Variants in MMS19 observed in about 807,000 individuals in gnomAD.
The protein encoded by MMS19 is MMS19 cytosolic iron-sulfur assembly component.
A neutral mutation model predicts 129.8 loss-of-function variants in MMS19; 77 were observed. The observed-to-expected ratio is 0.59, with a 90% CI of 0.49 to 0.72. The LOEUF (loss-of-function observed/expected upper bound fraction) is 0.72. Among genes scored for constraint, MMS19 ranks in the 30% least tolerant of loss-of-function variants. MMS19 has a pLI of 0.00. For synonymous variants in MMS19, 491 were observed against 502.8 expected, an observed-to-expected ratio of 0.98 and a Z score of 0.31; for missense variants, 1,168 against 1,266.3, an observed-to-expected ratio of 0.92 and a Z score of 1.18.
intron 3 of MMS19, among the ~76,000 whole-genome samples, chr10:97,479,015 G>C (rs527572292): frequency 9.2e-5 from 14 of 152,216 alleles, no homozygotes; most frequent in African/African-American, 2.9e-4. Flanking sequence ...GAGGTTTAAG[G>C]CCACCCTGAG....
intron 19 of MMS19, among the ~76,000 whole-genome samples, chr10:97,463,485 CAAGTGAGGAAATTG>C (rs960453768): frequency 1.2e-4 from 18 of 152,226 alleles, no homozygotes; most frequent in African/African-American, 4.3e-4. Context: ...CTCCATCTTA[CAAGTGAGGAAATTG>C]AAGCGTGGAA....
At chr10:97,468,204 C>T in intron 13 of MMS19, 48 bp downstream of exon 13, 1 of 1,475,392 alleles carries the variant, frequency 6.8e-7, no homozygotes, top group Non-Finnish European at 9.1e-7. Flanking sequence ...AGAAAGGGAA[C>T]CTAGCACACA....
chr10:97,498,569 G>C, upstream of MMS19: 1 of 682,714 alleles, frequency 1.5e-6, no homozygotes, highest in Non-Finnish European at 2.3e-6. Context: ...CGGTGGCACC[G>C]AGAGGGAAGG....
intron 1 of MMS19, among the ~76,000 whole-genome samples, chr10:97,487,989 T>C (rs2038208475): frequency 6.6e-6 from 1 of 152,050 alleles, no homozygotes; most frequent in Non-Finnish European, 1.5e-5. Flanking sequence ...CTCGGGAGGC[T>C]GAGGGACAAG....
At chr10:97,466,703 G>T in intron 15 of MMS19, 73 bp downstream of exon 15, 1 of 1,605,890 alleles carries the variant, frequency 6.2e-7, no homozygotes, top group Middle Eastern at 1.7e-4. Context: ...AGGATAGTAA[G>T]GCTGCTTTTC....
chr10:97,470,949 G>T, intron 8 of MMS19, 88 bp from the exon 9 acceptor site: 1 of 993,170 alleles, frequency 1.0e-6, no homozygotes, highest in Non-Finnish European at 1.5e-6. Context: ...GCAGAACAGG[G>T]TGATACTCAT....
chr10:97,465,303 T>G (rs2033201863), intron 18 of MMS19, among the ~76,000 whole-genome samples: 1 of 151,814 alleles, frequency 6.6e-6, no homozygotes, highest in Non-Finnish European at 1.5e-5. Flanking sequence ...CCCAACCCTT[T>G]TTTTCTTTTG....
Position 97,469,816 on chromosome 10 carries a change from G to T in MMS19, c.847-93C>A, listed in dbSNP as rs1049360862. The T allele has an allele frequency of 3.2e-5, 33 of 1,039,994 alleles. No individual in the cohort carries two copies. The African/African-American group carries it at 3.8e-4, about 12-fold the overall frequency. 64.4% of individuals were successfully genotyped at this position (1,039,994 alleles called of 1,614,324 possible). A position where few individuals can be genotyped will look rare whatever the true frequency, so the allele number is the denominator to read the frequency against. ...GCATAATGGCACCTGAAGGAGCCCT[G>T]GTCTCAGCAGAAAAACCAGTTAAGA... On this transcript the variant is annotated intron_variant, in intron 10 of 30. Transcript: ENST00000438925.
chr10:97,481,619 A>G (rs2135444125), intron 2 of MMS19, among the ~76,000 whole-genome samples: 1 of 152,278 alleles, frequency 6.6e-6, no homozygotes, highest in African/African-American at 2.4e-5. Flanking sequence ...ACTAGGTAGG[A>G]TTATTGATAT....
chr10:97,475,102 G>A (rs976350825), intron 8 of MMS19, among the ~76,000 whole-genome samples: 5 of 152,060 alleles, frequency 3.3e-5, no homozygotes, highest in African/African-American at 4.8e-5. Context: ...CATTATTTCC[G>A]GCCAAAGGAA....
At chr10:97,484,819 A>G (rs1017596940) in intron 1 of MMS19, among the ~76,000 whole-genome samples, 1 of 152,144 alleles carries the variant, frequency 6.6e-6, no homozygotes, top group Non-Finnish European at 1.5e-5. Context: ...CAGAAGGCTG[A>G]GGCAGGAGAA....
chr10:97,498,531 C>G, upstream of MMS19: 1 of 1,145,854 alleles, frequency 8.7e-7, no homozygotes, highest in Non-Finnish European at 1.2e-6. Flanking sequence ...CTAGGCAGTT[C>G]CAGGGAGGGG....
chr10:97,492,814 G>A lies in MMS19; in HGVS notation c.112+5459C>T, dbSNP rs191866776. 5.5e-3 allele frequency among the ~76,000 whole-genome samples: 801 copies of A among 145,024 alleles called. 4 individuals are homozygous for A. Among genetic ancestry groups the A allele is most frequent in the Middle Eastern group, 0.015 (4 of 270 alleles). ...GCTAAAGTTGCAGTGAGCCAAGATC[G>A]CGCCACTGCACACCAGCCTGGGCAA... On this transcript the variant is annotated intron_variant, in intron 1 of 30. Coordinates refer to ENST00000438925, the MANE Select transcript of MMS19 (RefSeq NM_022362.5).
chr10:97,477,997 C>G, intron 4 of MMS19, 68 bp from the exon 5 acceptor site: 1 of 1,017,266 alleles, frequency 9.8e-7, no homozygotes, highest in East Asian at 2.6e-5. Flanking sequence ...CACAACCCTA[C>G]GACAGGCCTA....
Position 97,462,608 on chromosome 10 carries a change from T to C in MMS19, c.1987A>G (p.Thr663Ala), listed in dbSNP as rs566833883. ...VLAAMVSVIG[T>A]ATTHLSPELA... ...TCAGGGCTCAGGTGGGTTGTAGCAG[T>C]GCCAATGACAGACACCATGGCAGCC... The change falls in exon 20 of 31, where the codon ACT becomes GCT. Residue 663 changes from threonine to alanine, a missense_variant. By Grantham distance (58) the Thr-to-Ala change is moderately conservative. Coordinates refer to ENST00000438925, the MANE Select transcript of MMS19 (RefSeq NM_022362.5). 6.2e-7 allele frequency: 1 copy of C among 1,613,946 alleles called. No homozygotes were observed. The highest frequency in any genetic ancestry group is 1.1e-5 in the South Asian group (1 of 91,080).
At chr10:97,494,495 A>G (rs1221077207) in intron 1 of MMS19, among the ~76,000 whole-genome samples, 9 of 152,174 alleles carry the variant, frequency 5.9e-5, no homozygotes, top group Admixed American at 3.3e-4. Context: ...AGCTCTCAAA[A>G]TGCCCTTTCT....
At chr10:97,498,565 C>A, upstream of MMS19, 1 of 704,164 alleles carries the variant, frequency 1.4e-6, no homozygotes, top group South Asian at 2.1e-5. Context: ...GGGGCGGTGG[C>A]ACCGAGAGGG....
rs764841363 is a variant in MMS19, at chr10:97,498,385, A to T, written c.-1T>A. 1.9e-6 allele frequency: 3 copies of T among 1,580,538 alleles called. No individual in the cohort carries two copies. In the South Asian group the frequency reaches 3.4e-5, roughly 18 times the overall value. Reference sequence around the variant, plus strand: ...CCTCCACAGCCGCGGCAGCGGCCATAACGCGAACTAGAGACCGTGGGAGGG... The same window carrying T: ...CCTCCACAGCCGCGGCAGCGGCCATTACGCGAACTAGAGACCGTGGGAGGG... On this transcript the variant is annotated 5_prime_UTR_variant, in exon 1 of 31. Coordinates refer to ENST00000438925, the MANE Select transcript of MMS19 (RefSeq NM_022362.5).
chr10:97,472,513 T>C (rs376423876), intron 8 of MMS19, among the ~76,000 whole-genome samples: 1 of 152,362 alleles, frequency 6.6e-6, no homozygotes. Context: ...GTGTTGAGAT[T>C]ACAGGCATGA....
Sources: allele counts gnomAD v4.1 joint callset (sites outside exome capture counted in the v4.1 genomes callset), GRCh38; gene constraint gnomAD v4.1.1; transcripts MANE v1.5; gene names NCBI Gene and HGNC (gene_info 2026-07-23, HGNC 2026-07-21).